PRRC1: variants seen among roughly 807,000 people sequenced by gnomAD.
PRRC1 encodes the protein proline rich coiled-coil 1, also known as protein PRRC1.
In PRRC1, 39 loss-of-function variants were observed where a neutral mutation model predicts 40.7. The observed-to-expected ratio is 0.96, with a 90% CI of 0.74 to 1.25. The LOEUF (loss-of-function observed/expected upper bound fraction) is 1.25. Among genes scored for constraint, PRRC1 ranks in the 50% most tolerant of loss-of-function variants. The pLI is 0.00. For missense variants in PRRC1, 573 were observed against 548.3 expected (o/e 1.05, Z -0.45); for synonymous variants, 175 against 193.3 (o/e 0.91, Z 0.79).
chr5:127,544,440 G>A (rs547062250), intron 7 of PRRC1, among the ~76,000 whole-genome samples: 1 of 152,356 alleles, frequency 6.6e-6, no homozygotes, highest in South Asian at 2.1e-4. Context: ...AGTCTGCAGA[G>A]GTTACTGCTT....
intron 7 of PRRC1, among the ~76,000 whole-genome samples, chr5:127,541,380 T>C (rs1768040976): frequency 2.0e-5 from 3 of 152,200 alleles, no homozygotes; most frequent in Admixed American, 2.0e-4. Context: ...AGGATGATGC[T>C]GGCCTCATAA....
chr5:127,523,885 C>CT (rs1455512695), intron 2 of PRRC1: 25 of 217,870 alleles, frequency 1.1e-4, no homozygotes, highest in Middle Eastern at 1.6e-3. Context: ...TGTTCTTTTT[C>CT]TTTTTTTTGA....
chr5:127,539,960 A>G (rs1193797410), intron 7 of PRRC1, among the ~76,000 whole-genome samples: 1 of 152,130 alleles, frequency 6.6e-6, no homozygotes, highest in African/African-American at 2.4e-5. Context: ...GGTGAAATTC[A>G]TGAATAATTA....
chr5:127,545,458 T>C (rs1379631312), intron 7 of PRRC1, among the ~76,000 whole-genome samples: 1 of 152,050 alleles, frequency 6.6e-6, no homozygotes, highest in Non-Finnish European at 1.5e-5. Context: ...TATGCAGCCA[T>C]AAAAATGATG....
At position 127,554,513 on chromosome 5, in the gene PRRC1, A is replaced by C. The variant is rs1425673292; in HGVS notation, c.*2597A>C. On this transcript the variant is annotated 3_prime_UTR_variant, in exon 9 of 9. Transcript: ENST00000296666. ...ATGCAGGAAAAATAATTTAATATCAACCTCAGTTGACAAGGTGCTCAGATT... is the reference window on the plus strand; with the variant it reads ...ATGCAGGAAAAATAATTTAATATCACCCTCAGTTGACAAGGTGCTCAGATT... The C allele has an allele frequency of 1.3e-5, 2 of 151,608 alleles. No individual in the cohort carries two copies. Among genetic ancestry groups the C allele is most frequent in the African/African-American group, 4.9e-5 (2 of 41,214 alleles). 9.4% of individuals were successfully genotyped at this position (151,608 alleles called of 1,614,324 possible).
intron 8 of PRRC1, chr5:127,551,361 T>C (rs1025079484): frequency 4.3e-6 from 1 of 232,094 alleles, no homozygotes; most frequent in African/African-American, 2.3e-5. Context: ...TCAGTTTTCC[T>C]CTTTCTGGTT....
At chr5:127,546,941 A>G (rs1351516766) in intron 7 of PRRC1, among the ~76,000 whole-genome samples, 1 of 152,172 alleles carries the variant, frequency 6.6e-6, no homozygotes, top group Non-Finnish European at 1.5e-5. Context: ...TAGACATTAT[A>G]AAGTGCCATT....
intron 1 of PRRC1, among the ~76,000 whole-genome samples, chr5:127,519,503 T>C (rs964722934): frequency 3.9e-5 from 6 of 152,244 alleles, no homozygotes; most frequent in Non-Finnish European, 8.8e-5. Context: ...ACTTCTCAGA[T>C]AGTATCCTAT....
At chr5:127,522,589 C>T (rs1228675917) in intron 1 of PRRC1, among the ~76,000 whole-genome samples, 1 of 151,722 alleles carries the variant, frequency 6.6e-6, no homozygotes, top group African/African-American at 2.4e-5. Flanking sequence ...ATGGAGTCTT[C>T]CTATGGTGCC....
intron 7 of PRRC1, among the ~76,000 whole-genome samples, chr5:127,540,712 G>C (rs1322471199): frequency 2.6e-5 from 4 of 152,058 alleles, no homozygotes; most frequent in African/African-American, 9.7e-5. Flanking sequence ...CGTCATTTCT[G>C]TTAAAAAGTC....
intron 7 of PRRC1, among the ~76,000 whole-genome samples, chr5:127,541,872 T>G (rs1166044704): frequency 2.0e-5 from 3 of 151,900 alleles, no homozygotes; most frequent in African/African-American, 7.3e-5. Flanking sequence ...TGTCTCTATT[T>G]CCTTCAGTTC....
Position 127,554,151 on chromosome 5 carries a change from G to A in PRRC1, c.*2235G>A, listed in dbSNP as rs1768466061. Reference sequence around the variant, plus strand: ...ATGGCAGCTTAGCCAGGTAGTCTTAGTGGTGGTGTTTAGGCATAAGATATG... The same window carrying A: ...ATGGCAGCTTAGCCAGGTAGTCTTAATGGTGGTGTTTAGGCATAAGATATG... On this transcript the variant is annotated 3_prime_UTR_variant, in exon 9 of 9. Coordinates refer to ENST00000296666, the MANE Select transcript of PRRC1 (RefSeq NM_130809.5). The A allele has an allele frequency of 5.9e-6, 2 of 337,990 alleles. No individual in the cohort carries two copies. Among genetic ancestry groups the A allele is most frequent in the South Asian group, 4.8e-5 (1 of 20,750 alleles). The allele number at this position is 337,990 out of a possible 1,614,324, so 20.9% of individuals were successfully genotyped here. A position where few individuals can be genotyped will look rare whatever the true frequency, so the allele number is the denominator to read the frequency against.
At chr5:127,533,503 G>C (rs1767825326) in intron 5 of PRRC1, 120 bp from the exon 6 acceptor site, 1 of 873,060 alleles carries the variant, frequency 1.1e-6, no homozygotes, top group South Asian at 1.8e-5. Flanking sequence ...TCTATATCTT[G>C]CATGGTTTTA....
At position 127,552,619 on chromosome 5, in the gene PRRC1, G is replaced by A. The variant is rs977673942; in HGVS notation, c.*703G>A. ...GGGTAATACATTTTATTTTTTCATT[G>A]CTATATGACAGCTAAGGGGCAAATG... On this transcript the variant is annotated 3_prime_UTR_variant, in exon 9 of 9. Transcript: ENST00000296666. 7 of 979,004 alleles carry A rather than the reference G, an allele frequency of 7.2e-6. No homozygotes were observed. Among genetic ancestry groups the A allele is most frequent in the Non-Finnish European group, 8.5e-6 (7 of 823,946 alleles). 60.6% of individuals were successfully genotyped at this position (979,004 alleles called of 1,614,324 possible).
chr5:127,524,732 T>G lies in PRRC1; in HGVS notation c.305T>G (p.Phe102Cys), dbSNP rs547518965. ...GTTTCTCCATCAACTGCTGCTGCCT[T>G]CGGTAATCCTCCTGTATCTCACTTC... is the stretch of plus-strand genomic sequence containing the variant. ...PPVSPSTAAAFGNPPVSHFPP... is the reference protein window; with the variant it reads ...PPVSPSTAAACGNPPVSHFPP... Residue 102 changes from phenylalanine to cysteine, a missense_variant, in exon 3 of 9, where the codon TTC (phenylalanine) becomes TGC (cysteine). Physicochemically the swap from Phe to Cys is radical, Grantham distance 205. Coordinates refer to ENST00000296666, the MANE Select transcript of PRRC1 (RefSeq NM_130809.5). 1 of 1,614,200 alleles carries G rather than the reference T, an allele frequency of 6.2e-7. No individual in the cohort carries two copies. The highest frequency in any genetic ancestry group is 1.1e-5 in the South Asian group (1 of 91,082).
chr5:127,520,284 G>T (rs1767425532), intron 1 of PRRC1, among the ~76,000 whole-genome samples: 1 of 152,166 alleles, frequency 6.6e-6, no homozygotes, highest in African/African-American at 2.4e-5. Flanking sequence ...ATTAGTCTAG[G>T]TTGTTACTTA....
chr5:127,533,370 T>C (rs1767822382), intron 5 of PRRC1, among the ~76,000 whole-genome samples: 1 of 152,102 alleles, frequency 6.6e-6, no homozygotes, highest in Non-Finnish European at 1.5e-5. Flanking sequence ...GCCAGATATG[T>C]GATTTCTGGC....
In PRRC1 at chr5:127,552,969, C is replaced by T. The variant is rs495916; in HGVS notation, c.*1053C>T. The T allele has an allele frequency of 1.2e-6, 1 of 822,934 alleles. No individual in the cohort carries two copies. 51.0% of individuals were successfully genotyped at this position (822,934 alleles called of 1,614,324 possible). ...TATTTAGTCTACTGTATTTCTATTTCGTGGAAGCCTTTTCCCCTCAAATAA... is the reference window on the plus strand; with the variant it reads ...TATTTAGTCTACTGTATTTCTATTTTGTGGAAGCCTTTTCCCCTCAAATAA... On this transcript the variant is annotated 3_prime_UTR_variant, in exon 9 of 9. Coordinates refer to ENST00000296666, the MANE Select transcript of PRRC1 (RefSeq NM_130809.5).
intron 4 of PRRC1, 35 bp downstream of exon 4, chr5:127,526,813 A>T: frequency 6.7e-7 from 1 of 1,481,718 alleles, no homozygotes; most frequent in Non-Finnish European, 9.1e-7. Flanking sequence ...TTAATTTTCT[A>T]ATTATAAAAC....
Sources: allele counts gnomAD v4.1 joint callset (sites outside exome capture counted in the v4.1 genomes callset), GRCh38; gene constraint gnomAD v4.1.1; transcripts MANE v1.5; gene names NCBI Gene and HGNC (gene_info 2026-07-23, HGNC 2026-07-21).